The following NCOR2 variants were observed in gnomAD, a reference collection of about 807,000 sequenced individuals.
The protein encoded by NCOR2 is CTG repeat protein 26.
Under a neutral mutation model 262.9 loss-of-function variants are expected in NCOR2, and 81 were observed. That is an observed-to-expected ratio of 0.31 (90% CI 0.26 to 0.37). The LOEUF is 0.37. Among genes scored for constraint, NCOR2 ranks in the 10% least tolerant of loss-of-function variants. The pLI is 1.00. For synonymous variants in NCOR2, 1,659 were observed against 1,559.3 expected (o/e 1.06, Z -1.51); for missense variants, 3,385 against 3,621.4 (o/e 0.93, Z 1.68).
intron 4 of NCOR2, among the ~76,000 whole-genome samples, chr12:124,469,051 G>A (rs1324338127): frequency 4.7e-5 from 7 of 149,180 alleles, no homozygotes; most frequent in African/African-American, 7.4e-5. Flanking sequence ...TCCTAACACA[G>A]TTGGAAAGAG....
chr12:124,503,037 G>A lies in NCOR2; in HGVS notation c.-117-7669C>T, dbSNP rs980070926. 1.3e-5 allele frequency among the ~76,000 whole-genome samples: 2 copies of A among 152,218 alleles called. No individual in the cohort carries two copies. The highest frequency in any genetic ancestry group is 2.4e-5 in the African/African-American group (1 of 41,448). The stretch of plus-strand genomic sequence containing the variant: ...ACCCCAGCCTGTCGTTGGCTCTGCC[G>A]GAGGGGCTGAGGGTCAAATACTAAG... On this transcript the variant is annotated intron_variant, in intron 1 of 46. Coordinates refer to the NCOR2 transcript ENST00000404621. The surrounding 1 kb of genome is among the most constrained non-coding windows in gnomAD (Gnocchi z 4.3).
Position 124,482,686 on chromosome 12 carries a change from C to T in NCOR2, c.411+910G>A, listed in dbSNP as rs569852226. Among the ~76,000 whole-genome samples the T allele has an allele frequency of 1.1e-4, 17 of 152,232 alleles. No individual in the cohort carries two copies. Among genetic ancestry groups the T allele is most frequent in the South Asian group, 1.0e-3 (5 of 4,826 alleles). ...CCTGGGTCACCTGAGGGCAGATGGA[C>T]GGAGGGCCCTGGGATAAGTGAGTGT... is the stretch of plus-strand genomic sequence containing the variant. On this transcript the variant is annotated intron_variant, in intron 3 of 46. Transcript: ENST00000405201. The surrounding 1 kb of genome is among the most constrained non-coding windows in gnomAD (Gnocchi z 6.3).
chr12:124,550,598 G>T (rs928772460), intron 1 of NCOR2, among the ~76,000 whole-genome samples: 2 of 152,234 alleles, frequency 1.3e-5, no homozygotes, highest in African/African-American at 4.8e-5. Context: ...TAGGAACGTG[G>T]TTGTATTTTT....
chr12:124,359,339 T>C (rs1250708867), intron 22 of NCOR2, among the ~76,000 whole-genome samples: 1 of 152,190 alleles, frequency 6.6e-6, no homozygotes, highest in African/African-American at 2.4e-5. Context: ...TGAGGGCCCA[T>C]CAGGGTGTGA....
Position 124,388,875 on chromosome 12 carries a change from AG to A in NCOR2, c.1877-2989del. 20 of 115,078 alleles carry A rather than the reference AG, an allele frequency of 1.7e-4. 2 individuals carry two copies. The highest frequency in any genetic ancestry group is 8.4e-4 in the South Asian group (10 of 11,922). 7.1% of individuals were successfully genotyped at this position (115,078 alleles called of 1,614,324 possible). ...TTCTCCGTCCCACGGTGAGGGAGGG[AG>A]GGAGGGAGGGAGGGAGGGAGCGAGG... On this transcript the variant is annotated intron_variant, in intron 16 of 46. Coordinates refer to ENST00000405201, the Ensembl canonical transcript of NCOR2.
intron 3 of NCOR2, among the ~76,000 whole-genome samples, chr12:124,479,505 A>G (rs900564882): frequency 2.6e-5 from 4 of 151,600 alleles, no homozygotes; most frequent in East Asian, 3.9e-4. Context: ...ATGCGCGCAT[A>G]CACACGCACA....
At chr12:124,490,009 A>G (rs1441400634) in intron 1 of NCOR2, among the ~76,000 whole-genome samples, 1 of 152,176 alleles carries the variant, frequency 6.6e-6, no homozygotes, top group African/African-American at 2.4e-5. Context: ...ATTCATGGGA[A>G]AGCAAAGGAA....
chr12:124,354,711 G>A lies in NCOR2; in HGVS notation c.3484+126C>T, dbSNP rs986685401. On this transcript the variant is annotated intron_variant, in intron 25 of 46. Coordinates refer to ENST00000405201, the Ensembl canonical transcript of NCOR2. ...CCACCATGTTCCAGCCAGGGCTGCT[G>A]AGGGGGGACCTCCCAGCTGCTACCT... The A allele has an allele frequency of 7.7e-6, 10 of 1,301,044 alleles. No homozygotes were observed. In the Middle Eastern group the frequency reaches 7.1e-4, roughly 92 times the overall value. 80.6% of individuals were successfully genotyped at this position (1,301,044 alleles called of 1,614,324 possible). A position where few individuals can be genotyped will look rare whatever the true frequency, so the allele number is the denominator to read the frequency against.
intron 16 of NCOR2, among the ~76,000 whole-genome samples, chr12:124,391,963 C>A (rs12423923): frequency 2.0e-5 from 3 of 152,132 alleles, no homozygotes; most frequent in Non-Finnish European, 4.4e-5. Context: ...CTGTGTCCAC[C>A]GCAGTGGGCT....
Position 124,429,429 on chromosome 12 carries a change from T to C in NCOR2, c.1149+184A>G, listed in dbSNP as rs1049897930. 3 of 633,120 alleles carry C rather than the reference T, an allele frequency of 4.7e-6. No individual in the cohort carries two copies. The African/African-American group carries it at 5.5e-5, about 12-fold the overall frequency. 39.2% of individuals were successfully genotyped at this position (633,120 alleles called of 1,614,324 possible). Reference sequence around the variant, plus strand: ...CCTCTCAGACACATTAACACCCCTCTCTCTGCTCGCCCCTGCAGGCCTGGG... The same window carrying C: ...CCTCTCAGACACATTAACACCCCTCCCTCTGCTCGCCCCTGCAGGCCTGGG... On this transcript the variant is annotated intron_variant, in intron 10 of 46. Transcript: ENST00000405201.
chr12:124,394,853 G>A (rs960458066), intron 16 of NCOR2, among the ~76,000 whole-genome samples: 4 of 152,172 alleles, frequency 2.6e-5, no homozygotes, highest in Non-Finnish European at 1.5e-5. Context: ...TACAGTGGGC[G>A]CTCCTTGAAT....
intron 10 of NCOR2, among the ~76,000 whole-genome samples, chr12:124,428,259 C>A (rs1310548259): frequency 1.3e-5 from 2 of 152,246 alleles, no homozygotes; most frequent in Non-Finnish European, 2.9e-5. Context: ...CGGCCCAGCT[C>A]CGGCGCCCAG....
intron 41 of NCOR2, among the ~76,000 whole-genome samples, chr12:124,333,865 TGC>T (rs569749160): frequency 0.024 from 3,488 of 143,224 alleles, 96 homozygotes; most frequent in African/African-American, 0.049. Flanking sequence ...CATGTGTGTG[TGC>T]GCATGTGTGC....
intron 11 of NCOR2, among the ~76,000 whole-genome samples, chr12:124,423,721 G>C (rs2043358114): frequency 6.6e-6 from 1 of 152,182 alleles, no homozygotes; most frequent in South Asian, 2.1e-4. Flanking sequence ...GCTCCCAAGA[G>C]ACCAGGAATC....
intron 24 of NCOR2, 121 bp downstream of exon 26, chr12:124,355,311 C>G: frequency 7.9e-7 from 1 of 1,268,262 alleles, no homozygotes; most frequent in Non-Finnish European, 1.1e-6. Context: ...CCCCAGATGC[C>G]TGAGTGGAGA....
chr12:124,349,430 T>C (rs900550728), intron 28 of NCOR2, among the ~76,000 whole-genome samples: 5 of 152,170 alleles, frequency 3.3e-5, no homozygotes, highest in Non-Finnish European at 5.9e-5. Flanking sequence ...AGGAGGGTAC[T>C]AGGTTGCTGT....
chr12:124,384,207 C>G (rs956590886), intron 17 of NCOR2, among the ~76,000 whole-genome samples: 2 of 152,246 alleles, frequency 1.3e-5, no homozygotes, highest in South Asian at 2.1e-4. Flanking sequence ...CACAACATCC[C>G]CCGGCCCAGG....
In NCOR2 at chr12:124,378,512, G is replaced by A. The variant is rs939048343; in HGVS notation, c.2020-128C>T. Reference sequence around the variant, plus strand: ...CGGCCATGTAGCAATGAGGGTGACCGTCCCCCTCACACCCCACCTCGGCAG... The same window carrying A: ...CGGCCATGTAGCAATGAGGGTGACCATCCCCCTCACACCCCACCTCGGCAG... On this transcript the variant is annotated intron_variant, in intron 17 of 46. Transcript: ENST00000405201. This position sits in a 1 kb window ranked among gnomAD's most constrained non-coding sequence, Gnocchi z 4.2. The A allele has an allele frequency of 1.4e-5, 14 of 976,380 alleles. No homozygotes were observed. In the Admixed American group the frequency reaches 1.5e-4, roughly 10 times the overall value. The allele number at this position is 976,380 out of a possible 1,614,324, so 60.5% of individuals were successfully genotyped here. A position where few individuals can be genotyped will look rare whatever the true frequency, so the allele number is the denominator to read the frequency against.
rs908228305 is a variant in NCOR2, at chr12:124,396,974, C to T, written c.1876+1145G>A. On this transcript the variant is annotated intron_variant, in intron 16 of 46. Transcript: ENST00000405201. ...ACAGACAGCCTCGACTCCAGCAGGG[C>T]CACGGGACCAAGCACGGGACAGGGA... Among the ~76,000 whole-genome samples the T allele has an allele frequency of 1.4e-4, 22 of 152,238 alleles. 1 individual carries two copies. Among genetic ancestry groups the T allele is most frequent in the Admixed American group, 1.3e-3 (20 of 15,288 alleles).
Sources: gnomAD v4.1 joint callset for allele counts (sites outside exome capture counted in the v4.1 genomes callset) on GRCh38, gnomAD v4.1.1 for gene constraint, Gnocchi (gnomAD v3.1) non-coding constraint, MANE v1.5 for transcripts, NCBI Gene and HGNC (gene_info 2026-07-23, HGNC 2026-07-21) for gene names.